STX1A: variants seen among roughly 807,000 people sequenced by gnomAD.
The protein encoded by STX1A is syntaxin 1A.
In STX1A, 4 loss-of-function variants were observed where a neutral mutation model predicts 37.8. That is an observed-to-expected ratio of 0.11 (90% confidence interval 0.05 to 0.24). STX1A has a LOEUF of 0.24. Among genes scored for constraint, STX1A ranks in the 10% least tolerant of loss-of-function variants. The pLI is 1.00. For missense variants in STX1A, 251 were observed against 399.9 expected (o/e 0.63, Z 3.18); for synonymous variants, 135 against 147.4 (o/e 0.92, Z 0.61).
At chr7:73,703,871 G>T in intron 6 of STX1A, 43 bp from the exon 7 acceptor site, 1 of 1,594,276 alleles carries the variant, frequency 6.3e-7, no homozygotes, top group Non-Finnish European at 8.5e-7. Context: ...CCTCTTCGGG[G>T]AGTTCAGCAG....
rs1208045282 is a variant in STX1A, at chr7:73,719,615, T to C, written c.17A>G (p.Gln6Arg). 1.6e-5 allele frequency: 19 copies of C among 1,203,556 alleles called. No homozygotes were observed. The highest frequency in any genetic ancestry group is 4.5e-5 in the Admixed American group (1 of 22,334). 74.6% of individuals were successfully genotyped at this position (1,203,556 alleles called of 1,614,324 possible). Residue 6 changes from glutamine (Q) to arginine (R), a missense_variant, in exon 1 of 10, where the codon CAG becomes CGG. By Grantham distance (43) the Gln-to-Arg change is conservative. This residue lies in a region of STX1A where 37 missense variants were observed against 32.3 expected (regional missense o/e 1.15). Transcript: ENST00000222812. ...GGCCGGACTCACCGTGCGGAGCTCC[T>C]GGGTTCGGTCCTTCATGCTCCCGGG... Reference protein sequence around the residue: MKDRTQELRTAKDSDD... With the variant: MKDRTRELRTAKDSDD...
At chr7:73,701,271 C>T (rs1449970259) in intron 8 of STX1A, 2 of 352,074 alleles carry the variant, frequency 5.7e-6, no homozygotes, top group African/African-American at 4.1e-5. Context: ...CCATCCAGCT[C>T]TGTCTGCTGT....
chr7:73,702,466 T>C lies in STX1A; in HGVS notation c.678+379A>G, dbSNP rs1384300465. 7.4e-6 allele frequency: 3 copies of C among 406,902 alleles called. No individual in the cohort carries two copies. The highest frequency in any genetic ancestry group is 6.1e-5 in the African/African-American group (3 of 49,034). 25.2% of individuals were successfully genotyped at this position (406,902 alleles called of 1,614,324 possible). On this transcript the variant is annotated intron_variant, in intron 8 of 9. Transcript: ENST00000222812. The surrounding 1 kb of genome is among the most constrained non-coding windows in gnomAD (Gnocchi z 4.7). ...AACCTTCGATTTGTTCTTAGGCAAC[T>C]CTTTTGCCCAACAGCCATTCACTCC...
chr7:73,719,587 TG>T lies in STX1A; in HGVS notation c.30+14del. The T allele has an allele frequency of 8.3e-7, 1 of 1,206,986 alleles. No individual in the cohort carries two copies. Among genetic ancestry groups the T allele is most frequent in the Non-Finnish European group, 1.0e-6 (1 of 967,376 alleles). 74.8% of individuals were successfully genotyped at this position (1,206,986 alleles called of 1,614,324 possible). A position where few individuals can be genotyped will look rare whatever the true frequency, so the allele number is the denominator to read the frequency against. ...CGGCGGGCGGCGGGCGGCCGCGCGCTGGGGCCGGACTCACCGTGCGGAGCTC... is the reference window on the plus strand; with the variant it reads ...CGGCGGGCGGCGGGCGGCCGCGCGCTGGGCCGGACTCACCGTGCGGAGCTC... On this transcript the variant is annotated intron_variant, in intron 1 of 9. Transcript: ENST00000222812.
In STX1A at chr7:73,709,665, C is replaced by G. The variant is rs1386886258; in HGVS notation, c.31-543G>C. Among the ~76,000 whole-genome samples the G allele has an allele frequency of 1.3e-5, 2 of 152,168 alleles. No individual in the cohort carries two copies. Among genetic ancestry groups the G allele is most frequent in the African/African-American group, 4.8e-5 (2 of 41,440 alleles). On this transcript the variant is annotated intron_variant, in intron 1 of 9. Transcript: ENST00000222812. This position sits in a 1 kb window ranked among gnomAD's most constrained non-coding sequence, Gnocchi z 4.2. ...CTGGGCTCAAGCGATCCTCCCAACT[C>G]AGCATCCCGAGTAGCTGGAATTATA...
chr7:73,711,434 C>T (rs536831155), intron 1 of STX1A: 2 of 153,856 alleles, frequency 1.3e-5, no homozygotes, highest in South Asian at 4.1e-4. Flanking sequence ...TATCGTACCA[C>T]CTCCCCAGCA....
intron 1 of STX1A, among the ~76,000 whole-genome samples, chr7:73,718,131 G>T (rs782204576): frequency 6.6e-5 from 10 of 152,060 alleles, no homozygotes; most frequent in South Asian, 2.1e-4. Flanking sequence ...CTGACTCAAC[G>T]GAGCTCAGGA....
At chr7:73,704,560 G>C in intron 4 of STX1A, 137 bp from the exon 5 acceptor site, 1 of 1,090,132 alleles carries the variant, frequency 9.2e-7, no homozygotes, top group Non-Finnish European at 1.3e-6. Flanking sequence ...TCAGTGCCAG[G>C]CACCGATGGA....
At chr7:73,719,332 G>C (rs1799411583) in intron 1 of STX1A, among the ~76,000 whole-genome samples, 1 of 152,150 alleles carries the variant, frequency 6.6e-6, no homozygotes, top group Non-Finnish European at 1.5e-5. Context: ...CCCAAATCAA[G>C]AGGGCCCCGA....
rs987169294 is a variant in STX1A at position 73,717,283 on chromosome 7, C to G, written c.30+2319G>C. Reference sequence around the variant, plus strand: ...TCCCCAGCACCATCTCTGTTCAGCCCAGCCCAGCCCAGCCCGCCCCAGTCC... The same window carrying G: ...TCCCCAGCACCATCTCTGTTCAGCCGAGCCCAGCCCAGCCCGCCCCAGTCC... On this transcript the variant is annotated intron_variant, in intron 1 of 9. Coordinates refer to ENST00000222812, the MANE Select transcript of STX1A (RefSeq NM_004603.4). This position sits in a 1 kb window ranked among gnomAD's most constrained non-coding sequence, Gnocchi z 4.1. 2.6e-5 allele frequency among the ~76,000 whole-genome samples: 4 copies of G among 152,092 alleles called. No individual in the cohort carries two copies. Among genetic ancestry groups the G allele is most frequent in the Admixed American group, 2.6e-4 (4 of 15,268 alleles).
At chr7:73,718,302 A>C (rs782636712) in intron 1 of STX1A, among the ~76,000 whole-genome samples, 1 of 152,194 alleles carries the variant, frequency 6.6e-6, no homozygotes. Flanking sequence ...CCGTGGTGCC[A>C]GAGCAAGTGG....
chr7:73,704,622 G>C, intron 4 of STX1A, 199 bp from the exon 5 acceptor site: 1 of 644,482 alleles, frequency 1.6e-6, no homozygotes, highest in Non-Finnish European at 2.7e-6. Context: ...GTGTGTGCAT[G>C]TGTGTAAATG....
chr7:73,709,495 G>A lies in STX1A; in HGVS notation c.31-373C>T, dbSNP rs1799017979. Among the ~76,000 whole-genome samples the A allele has an allele frequency of 6.6e-6, 1 of 152,132 alleles. No individual in the cohort carries two copies. ...CCCTAGGCCCCTAGGACAGCTGCCT[G>A]GAAAGTGCATTCTCTACTCTCCTGG... On this transcript the variant is annotated intron_variant, in intron 1 of 9. Coordinates refer to ENST00000222812, the MANE Select transcript of STX1A (RefSeq NM_004603.4). The surrounding 1 kb of genome is among the most constrained non-coding windows in gnomAD (Gnocchi z 4.2).
Position 73,700,189 on chromosome 7 carries a change from C to G in STX1A, c.*218G>C, listed in dbSNP as rs972300289. ...CTGCATCACGCCCCGCTGGCTGCCT[C>G]CCTCTGCCTCTTCCCGTACAGACGC... is the stretch of plus-strand genomic sequence containing the variant. On this transcript the variant is annotated 3_prime_UTR_variant, in exon 10 of 10. Transcript: ENST00000222812. The surrounding 1 kb of genome is among the most constrained non-coding windows in gnomAD (Gnocchi z 4.4). 4.9e-6 allele frequency: 3 copies of G among 606,162 alleles called. No homozygotes were observed. The highest frequency in any genetic ancestry group is 8.8e-6 in the Non-Finnish European group (3 of 340,792). The allele number at this position is 606,162 out of a possible 1,614,324, so 37.5% of individuals were successfully genotyped here.
chr7:73,707,376 G>A (rs573879075), intron 3 of STX1A, among the ~76,000 whole-genome samples: 1 of 152,208 alleles, frequency 6.6e-6, no homozygotes, highest in Non-Finnish European at 1.5e-5. Flanking sequence ...CCGCCCCGGG[G>A]TGCCACATGG....
chr7:73,711,418 T>C (rs1200686625), intron 1 of STX1A: 3 of 153,644 alleles, frequency 2.0e-5, no homozygotes, highest in Admixed American at 1.3e-4. Flanking sequence ...CCTCCTCTCT[T>C]TAAGATATCG....
intron 4 of STX1A, 32 bp from the exon 5 acceptor site, chr7:73,704,455 C>G: frequency 6.2e-7 from 1 of 1,613,502 alleles, no homozygotes; most frequent in East Asian, 2.2e-5. Flanking sequence ...AAGTCATAAC[C>G]AGGCCCCTTC....
chr7:73,715,702 C>T (rs929883246), intron 1 of STX1A, among the ~76,000 whole-genome samples: 1 of 152,232 alleles, frequency 6.6e-6, no homozygotes, highest in African/African-American at 2.4e-5. Context: ...CCAGGGGAAG[C>T]CACCAGGCTG....
At chr7:73,718,363 GCAAC>G (rs1194671780) in intron 1 of STX1A, among the ~76,000 whole-genome samples, 27 of 152,146 alleles carry the variant, frequency 1.8e-4, no homozygotes, top group Admixed American at 1.4e-3. Flanking sequence ...TGCCCAGGAG[GCAAC>G]CATGACATAA....
Sources: gnomAD v4.1 joint callset for allele counts (sites outside exome capture counted in the v4.1 genomes callset) on GRCh38, gnomAD v4.1.1 for gene constraint, gnomAD v4.1.1 regional missense constraint, Gnocchi (gnomAD v3.1) non-coding constraint, MANE v1.5 for transcripts, NCBI Gene and HGNC (gene_info 2026-07-23, HGNC 2026-07-21) for gene names.